ZNF652: variants seen among roughly 807,000 people sequenced by gnomAD.
The protein encoded by ZNF652 is zinc finger protein 652.
A neutral mutation model predicts 45.2 loss-of-function variants in ZNF652; 16 were observed. The observed-to-expected ratio is 0.35, with a 90% CI of 0.24 to 0.54. The LOEUF (loss-of-function observed/expected upper bound fraction) is 0.54. Ranked by LOEUF, ZNF652 falls within the 20% of genes least tolerant of loss-of-function variation. The probability of loss-of-function intolerance (pLI) is 0.91; values close to 1 mark genes in which losing one functional copy is unlikely to be tolerated. For missense variants in ZNF652, 614 were observed against 765.6 expected, an observed-to-expected ratio of 0.80 and a Z score of 2.34; for synonymous variants, 250 against 260.6, an observed-to-expected ratio of 0.96 and a Z score of 0.39.
chr17:49,327,563 C>G (rs1233562747), intron 1 of ZNF652, among the ~76,000 whole-genome samples: 4 of 150,892 alleles, frequency 2.7e-5, no homozygotes, highest in Non-Finnish European at 5.9e-5. Flanking sequence ...AAAGATCTAC[C>G]TGGGGAGACA....
In ZNF652 at chr17:49,290,488, G is replaced by A. The variant is rs1354780917; in HGVS notation, c.*7925C>T. ...CTGATGTAACAGATATCTCTTTGGA[G>A]CAGAGAAGGTGAGAAGCATTTCCTT... On this transcript the variant is annotated 3_prime_UTR_variant, in exon 6 of 6. Coordinates refer to ENST00000430262, the MANE Select transcript of ZNF652 (RefSeq NM_001145365.3). 6.6e-6 allele frequency: 1 copy of A among 152,254 alleles called. No homozygotes were observed. Among genetic ancestry groups the A allele is most frequent in the African/African-American group, 2.4e-5 (1 of 41,452 alleles). The allele number at this position is 152,254 out of a possible 1,614,324, so 9.4% of individuals were successfully genotyped here.
In ZNF652 at chr17:49,321,671, C is replaced by T. The variant is rs549518103; in HGVS notation, c.-258-3688G>A. On this transcript the variant is annotated intron_variant, in intron 1 of 5. Transcript: ENST00000430262. The stretch of plus-strand genomic sequence containing the variant: ...ACGAGTAGAAACCAGAAGTGGGGTG[C>T]TGCCTTACCAAAAAGCCTAAAATAT... Among the ~76,000 whole-genome samples, 16 of 152,206 alleles carry T rather than the reference C, an allele frequency of 1.1e-4. 1 individual carries two copies. In the South Asian group the frequency reaches 3.3e-3, roughly 32 times the overall value.
In ZNF652 at chr17:49,294,416, A is replaced by G. The variant is rs1046176895; in HGVS notation, c.*3997T>C. ...TGATTTGCACAGTCTTCTTTGAACT[A>G]AAGTTTTTTTTGTGGCGATCTCCCC... On this transcript the variant is annotated 3_prime_UTR_variant, in exon 6 of 6. Coordinates refer to ENST00000430262, the MANE Select transcript of ZNF652 (RefSeq NM_001145365.3). 5 of 152,282 alleles carry G rather than the reference A, an allele frequency of 3.3e-5. No individual in the cohort carries two copies. Among genetic ancestry groups the G allele is most frequent in the Admixed American group, 2.6e-4 (4 of 15,300 alleles). The allele number at this position is 152,282 out of a possible 1,614,324, so 9.4% of individuals were successfully genotyped here.
intron 1 of ZNF652, among the ~76,000 whole-genome samples, chr17:49,357,673 T>C: frequency 6.6e-6 from 1 of 152,266 alleles, no homozygotes. Context: ...TGAAAATTTA[T>C]ACAAGGCTTT....
chr17:49,340,745 A>G (rs2070137008), intron 1 of ZNF652, among the ~76,000 whole-genome samples: 1 of 151,898 alleles, frequency 6.6e-6, no homozygotes, highest in African/African-American at 2.4e-5. Flanking sequence ...CCCCATCTCT[A>G]CAAGAAATAC....
chr17:49,344,710 G>T (rs539136986), intron 1 of ZNF652, among the ~76,000 whole-genome samples: 2 of 151,858 alleles, frequency 1.3e-5, no homozygotes, highest in Non-Finnish European at 2.9e-5. Flanking sequence ...TAACGGAGAC[G>T]GAGTTTCACT....
chr17:49,297,459 T>C lies in ZNF652; in HGVS notation c.*954A>G, dbSNP rs1366531057. ...GCCCCATCCCCTGCAAATCATTTCA[T>C]GTAATGCACTAACGAAGCCAAGCAG... On this transcript the variant is annotated 3_prime_UTR_variant, in exon 6 of 6. Transcript: ENST00000430262. 2.0e-5 allele frequency: 3 copies of C among 152,432 alleles called. No individual in the cohort carries two copies. The highest frequency in any genetic ancestry group is 4.4e-5 in the Non-Finnish European group (3 of 68,038). The allele number at this position is 152,432 out of a possible 1,614,324, so 9.4% of individuals were successfully genotyped here.
intron 2 of ZNF652, among the ~76,000 whole-genome samples, chr17:49,314,290 T>C (rs1019897885): frequency 2.0e-5 from 3 of 151,786 alleles, no homozygotes; most frequent in African/African-American, 7.3e-5. Context: ...GCCTCCCAAG[T>C]AGCTGGGACT....
chr17:49,352,906 G>A (rs1261754221), intron 1 of ZNF652, among the ~76,000 whole-genome samples: 1 of 152,170 alleles, frequency 6.6e-6, no homozygotes, highest in Non-Finnish European at 1.5e-5. Flanking sequence ...ATGAGTCCAT[G>A]TCACATTCTG....
intron 1 of ZNF652, among the ~76,000 whole-genome samples, chr17:49,318,229 C>T (rs2069838462): frequency 6.6e-6 from 1 of 152,116 alleles, no homozygotes; most frequent in East Asian, 1.9e-4. Flanking sequence ...AGGCGCCCGC[C>T]ACCACACCTG....
chr17:49,307,139 T>A (rs1440409312), intron 5 of ZNF652, among the ~76,000 whole-genome samples: 1 of 151,812 alleles, frequency 6.6e-6, no homozygotes, highest in African/African-American at 2.4e-5. Context: ...GGAGAAAACA[T>A]CCTTCACTGG....
At chr17:49,347,517 A>T (rs891903698) in intron 1 of ZNF652, among the ~76,000 whole-genome samples, 1 of 151,840 alleles carries the variant, frequency 6.6e-6, no homozygotes, top group Non-Finnish European at 1.5e-5. Context: ...GTGAGCCGTG[A>T]TCATGCCACT....
intron 1 of ZNF652, among the ~76,000 whole-genome samples, chr17:49,337,362 G>T (rs796475623): frequency 2.1e-5 from 3 of 146,328 alleles, no homozygotes; most frequent in Non-Finnish European, 1.5e-5. Flanking sequence ...AAAGAAAAAA[G>T]AAAAATTAAA....
At chr17:49,327,294 C>T (rs2143836485) in intron 1 of ZNF652, among the ~76,000 whole-genome samples, 1 of 152,068 alleles carries the variant, frequency 6.6e-6, no homozygotes, top group Middle Eastern at 3.4e-3. Flanking sequence ...TCCCTAGTAG[C>T]TGGGATTACA....
chr17:49,344,082 T>C lies in ZNF652; in HGVS notation c.-259+17827A>G, dbSNP rs554496175. ...CGGGTGTGGTGGCGGGCGCCTGTAGTCCCAGCTACTCAGGAGGCTAAGGCA... is the reference window on the plus strand; with the variant it reads ...CGGGTGTGGTGGCGGGCGCCTGTAGCCCCAGCTACTCAGGAGGCTAAGGCA... On this transcript the variant is annotated intron_variant, in intron 1 of 5. Coordinates refer to ENST00000430262, the MANE Select transcript of ZNF652 (RefSeq NM_001145365.3). 2.0e-4 allele frequency among the ~76,000 whole-genome samples: 30 copies of C among 151,978 alleles called. No homozygotes were observed. The East Asian group carries it at 5.4e-3, about 27-fold the overall frequency.
intron 1 of ZNF652, among the ~76,000 whole-genome samples, chr17:49,333,494 G>A (rs1157498461): frequency 1.4e-5 from 2 of 143,804 alleles, no homozygotes; most frequent in Non-Finnish European, 3.0e-5. Flanking sequence ...TGGATCACAA[G>A]GTCAGGAGAT....
rs775915775 is a variant in ZNF652, at chr17:49,298,688, C to G, written c.1546G>C (p.Val516Leu). The change falls in exon 6 of 6, where the codon GTT becomes CTT. Residue 516 changes from valine to leucine, a missense_variant. By Grantham distance (32) the Val-to-Leu change is conservative. Transcript: ENST00000430262. ...GTGGCTGTGTTCACCACAGAAGGAACTGGGGTGGCTGGGGAAGTTGTAAGT... is the reference window on the plus strand; with the variant it reads ...GTGGCTGTGTTCACCACAGAAGGAAGTGGGGTGGCTGGGGAAGTTGTAAGT... ...IPLTTSPATP[V>L]PSVVNTATTP... 2 of 1,613,700 alleles carry G rather than the reference C, an allele frequency of 1.2e-6. No individual in the cohort carries two copies. The highest frequency in any genetic ancestry group is 1.3e-5 in the African/African-American group (1 of 74,808).
In ZNF652 at chr17:49,339,197, AT is replaced by A. The variant is rs34574898; in HGVS notation, c.-258-21215del. On this transcript the variant is annotated intron_variant, in intron 1 of 5. Transcript: ENST00000430262. ...ACAAAGAAAAGGTCTGAGTTAGGAA[AT>A]TTTTTTTTTTTTTTTTTTTTTGAGA... 1.9e-3 allele frequency among the ~76,000 whole-genome samples: 227 copies of A among 119,514 alleles called. 1 individual carries two copies. The highest frequency in any genetic ancestry group is 7.8e-3 in the East Asian group (32 of 4,098). The allele number at this position is 119,514 out of a possible 152,430, so 78.4% of individuals were successfully genotyped here. A position where few individuals can be genotyped will look rare whatever the true frequency, so the allele number is the denominator to read the frequency against.
Position 49,317,644 on chromosome 17 carries a change from G to T in ZNF652, c.82C>A (p.Arg28Ser). The change falls in exon 2 of 6, where the codon CGT becomes AGT. Residue 28 changes from arginine (R) to serine (S), a missense_variant. Around this residue, in one of 5 missense-constraint regions of ZNF652, gnomAD observed 133 missense variants for 132.2 expected, o/e 1.01. Transcript: ENST00000430262. ...HVAGMAQEDS[R>S]RGQVPSSFYH... is the part of the protein sequence containing the mutation. ...AAGGAAGATGGCACTTGACCACGAC[G>T]GCTATCTTCTTGTGCCATTCCTGCT... 1 of 1,613,692 alleles carries T rather than the reference G, an allele frequency of 6.2e-7. No homozygotes were observed. Among genetic ancestry groups the T allele is most frequent in the Non-Finnish European group, 8.5e-7 (1 of 1,179,648 alleles).
Sources: allele counts gnomAD v4.1 joint callset (sites outside exome capture counted in the v4.1 genomes callset), GRCh38; gene constraint gnomAD v4.1.1; regional missense constraint gnomAD v4.1.1; transcripts MANE v1.5; gene names NCBI Gene and HGNC (gene_info 2026-07-23, HGNC 2026-07-21).